The following GALNT13 variants were observed in gnomAD, a reference collection of about 807,000 sequenced individuals.
GALNT13 encodes the protein polypeptide N-acetylgalactosaminyltransferase 13, also known as UDP-GalNAc:polypeptide N-acetylgalactosaminyltransferase 13.
Under a neutral mutation model 64.2 loss-of-function variants are expected in GALNT13, and 28 were observed. The observed-to-expected ratio is 0.44, with a 90% CI of 0.32 to 0.60. GALNT13 has a LOEUF of 0.60. GALNT13 is among the 20% of genes least tolerant of loss of function. The pLI is 0.05. For synonymous variants in GALNT13, 214 were observed against 224.6 expected (o/e 0.95, Z 0.42); for missense variants, 577 against 669.8 (o/e 0.86, Z 1.53).
intron 11 of GALNT13, among the ~76,000 whole-genome samples, chr2:154,425,822 A>G (rs1700444720): frequency 6.6e-6 from 1 of 152,312 alleles, no homozygotes; most frequent in East Asian, 1.9e-4. Flanking sequence ...ACAGAAAAGT[A>G]TGTTGAATAA....
the GALNT13 span, among the ~76,000 whole-genome samples, chr2:153,124,206 C>T: frequency 6.6e-6 from 1 of 152,142 alleles, no homozygotes; most frequent in Admixed American, 6.5e-5. Flanking sequence ...AGTTTAGAAT[C>T]GAGTTGTCCA....
intron 2 of GALNT13, among the ~76,000 whole-genome samples, chr2:153,906,087 G>T (rs1191771520): frequency 6.6e-6 from 1 of 151,686 alleles, no homozygotes; most frequent in Admixed American, 6.6e-5. Context: ...AATATTTTTG[G>T]ACCACAGTTG....
At chr2:154,410,295 A>G (rs1017871037) in intron 11 of GALNT13, among the ~76,000 whole-genome samples, 1 of 151,980 alleles carries the variant, frequency 6.6e-6, no homozygotes, top group Non-Finnish European at 1.5e-5. Flanking sequence ...CTATAAGAGG[A>G]CTAAATGTGT....
intron 9 of GALNT13, among the ~76,000 whole-genome samples, chr2:154,349,960 A>T (rs1189480093): frequency 6.6e-6 from 1 of 152,242 alleles, no homozygotes; most frequent in Non-Finnish European, 1.5e-5. Context: ...GTTCAAAAAC[A>T]GATGTCAGTT....
the GALNT13 span, among the ~76,000 whole-genome samples, chr2:153,464,550 G>C: frequency 1.3e-5 from 2 of 151,930 alleles, no homozygotes; most frequent in Admixed American, 1.3e-4. Flanking sequence ...TGTTGTTCTT[G>C]GCAAAATTTC....
intron 2 of GALNT13, among the ~76,000 whole-genome samples, chr2:153,909,751 A>G (rs1688817324): frequency 6.6e-6 from 1 of 152,174 alleles, no homozygotes; most frequent in African/African-American, 2.4e-5. Flanking sequence ...CATATGTTGA[A>G]TCAACCTTGC....
At chr2:153,309,205 A>AC in the GALNT13 span, among the ~76,000 whole-genome samples, 1 of 152,132 alleles carries the variant, frequency 6.6e-6, no homozygotes, top group Non-Finnish European at 1.5e-5. Flanking sequence ...TGGCAAAAAT[A>AC]AACCCCAAAA....
At chr2:153,749,809 T>C in the GALNT13 span, among the ~76,000 whole-genome samples, 1 of 151,984 alleles carries the variant, frequency 6.6e-6, no homozygotes, top group Non-Finnish European at 1.5e-5. Flanking sequence ...CATTGCAGTT[T>C]GGATGCCCTT....
chr2:154,069,907 G>A (rs2105386644), intron 3 of GALNT13, among the ~76,000 whole-genome samples: 1 of 152,092 alleles, frequency 6.6e-6, no homozygotes, highest in Middle Eastern at 3.4e-3. Flanking sequence ...GGCACATGAT[G>A]GATATTGGAT....
the GALNT13 span, among the ~76,000 whole-genome samples, chr2:153,430,872 C>T: frequency 6.6e-6 from 1 of 151,890 alleles, no homozygotes; most frequent in Admixed American, 6.6e-5. Flanking sequence ...GTTGACGTAG[C>T]CAGGCATGGT....
the GALNT13 span, among the ~76,000 whole-genome samples, chr2:153,682,339 T>C: frequency 5.9e-5 from 9 of 151,754 alleles, no homozygotes; most frequent in Non-Finnish European, 1.2e-4. Context: ...TATTTTCCTC[T>C]TATTTTACTG....
chr2:153,288,291 A>G, the GALNT13 span, among the ~76,000 whole-genome samples: 1 of 152,234 alleles, frequency 6.6e-6, no homozygotes, highest in African/African-American at 2.4e-5. Flanking sequence ...ACACACACAT[A>G]TATGGATATA....
chr2:154,038,936 A>C (rs1698821906), intron 3 of GALNT13, among the ~76,000 whole-genome samples: 1 of 152,130 alleles, frequency 6.6e-6, no homozygotes, highest in Admixed American at 6.6e-5. Flanking sequence ...TTCTATTAAA[A>C]ATGGACAAAA....
At chr2:153,144,016 C>T in the GALNT13 span, among the ~76,000 whole-genome samples, 17 of 151,944 alleles carry the variant, frequency 1.1e-4, no homozygotes, top group Admixed American at 9.2e-4. Flanking sequence ...GTACGAAATA[C>T]GCAGCCAAGT....
At chr2:154,069,454 T>C (rs1431098188) in intron 3 of GALNT13, among the ~76,000 whole-genome samples, 1 of 152,030 alleles carries the variant, frequency 6.6e-6, no homozygotes, top group East Asian at 1.9e-4. Context: ...GAGACCTCTA[T>C]TTTGAAAATA....
In GALNT13 at chr2:154,021,913, G is replaced by C. The variant is rs551043588; in HGVS notation, c.142+77274G>C. On this transcript the variant is annotated intron_variant, in intron 3 of 12. Coordinates refer to ENST00000392825, the MANE Select transcript of GALNT13 (RefSeq NM_052917.4). ...TTTATTGAGAGTTTTTAGCATGAAG[G>C]GTTGTTGAATTTTGTCAAAGGCCTT... Among the ~76,000 whole-genome samples, 256 of 151,860 alleles carry C rather than the reference G, an allele frequency of 1.7e-3. 1 individual carries two copies. Among genetic ancestry groups the C allele is most frequent in the Non-Finnish European group, 2.3e-3 (156 of 67,956 alleles).
chr2:154,052,522 A>G (rs1699681566), intron 3 of GALNT13, among the ~76,000 whole-genome samples: 1 of 152,016 alleles, frequency 6.6e-6, no homozygotes, highest in African/African-American at 2.4e-5. Flanking sequence ...TTTTCATTGA[A>G]TCACAGTTAC....
At chr2:154,409,309 A>G in intron 11 of GALNT13, 1 of 511,664 alleles carries the variant, frequency 2.0e-6, no homozygotes, top group South Asian at 2.3e-5. Context: ...ACAGTTAATG[A>G]AGATATCCAA....
the GALNT13 span, among the ~76,000 whole-genome samples, chr2:153,231,227 T>A: frequency 2.6e-5 from 4 of 152,158 alleles, no homozygotes; most frequent in African/African-American, 9.7e-5. Flanking sequence ...CCCAAACCAA[T>A]TGTCTCGAGT....
Sources: allele counts gnomAD v4.1 joint callset (sites outside exome capture counted in the v4.1 genomes callset), GRCh38; gene constraint gnomAD v4.1.1; transcripts MANE v1.5; gene names NCBI Gene and HGNC (gene_info 2026-07-23, HGNC 2026-07-21).